BCL2L1: variants seen among roughly 807,000 people sequenced by gnomAD.
The protein encoded by BCL2L1 is BCL2 like 1.
BCL2L1 carries 1 observed loss-of-function variant against 18.7 expected under a neutral mutation model. The observed-to-expected ratio is 0.05, with a 90% CI of 0.02 to 0.25. The LOEUF (loss-of-function observed/expected upper bound fraction) is 0.25. Among genes scored for constraint, BCL2L1 ranks in the 10% least tolerant of loss-of-function variants. The pLI, the probability that BCL2L1 is intolerant of heterozygous loss-of-function variation, is 1.00. For missense variants in BCL2L1, 207 were observed against 304.9 expected, an observed-to-expected ratio of 0.68 and a Z score of 2.39; for synonymous variants, 103 against 122.7, an observed-to-expected ratio of 0.84 and a Z score of 1.06.
At chr20:31,672,030 GAA>G (rs892244453) in intron 2 of BCL2L1, among the ~76,000 whole-genome samples, 9 of 148,258 alleles carry the variant, frequency 6.1e-5, no homozygotes, top group Non-Finnish European at 1.3e-4. Flanking sequence ...AAAAAAATCT[GAA>G]AAAGACTCCT....
intron 2 of BCL2L1, among the ~76,000 whole-genome samples, chr20:31,667,919 CAGA>C (rs2060611504): frequency 6.6e-6 from 1 of 152,184 alleles, no homozygotes; most frequent in African/African-American, 2.4e-5. Context: ...TCAGCCCTTG[CAGA>C]AGCACACTCC....
At chr20:31,691,712 T>A (rs530230885) in intron 2 of BCL2L1, among the ~76,000 whole-genome samples, 3 of 152,030 alleles carry the variant, frequency 2.0e-5, no homozygotes, top group Non-Finnish European at 2.9e-5. Context: ...TACAAACCCA[T>A]AAGAAAAAGT....
chr20:31,719,991 G>C, intron 2 of BCL2L1: 1 of 648,674 alleles, frequency 1.5e-6, no homozygotes, highest in Non-Finnish European at 1.9e-6. Context: ...ATCAAAGCAG[G>C]AGGGAACAGG....
Position 31,697,892 on chromosome 20 carries a change from G to GTTTTTTTTTTTTTGTTTGTTTTT in BCL2L1, c.564+23762_564+23763insAAAAACAAACAAAAAAAAAAAAA, listed in dbSNP as rs1319361227. 3.3e-3 allele frequency among the ~76,000 whole-genome samples: 423 copies of GTTTTTTTTTTTTTGTTTGTTTTT among 129,610 alleles called. 16 individuals carry two copies. The highest frequency in any genetic ancestry group is 0.012 in the African/African-American group (379 of 30,476). 85.0% of individuals were successfully genotyped at this position (129,610 alleles called of 152,430 possible). On this transcript the variant is annotated intron_variant, in intron 2 of 2. Coordinates refer to ENST00000307677, the MANE Select transcript of BCL2L1 (RefSeq NM_138578.3). ...AGAATCCTCAGCATGTGCTGTTGCT[G>GTTTTTTTTTTTTTGTTTGTTTTT]TTTTTTTTTTTTTGAGACGGAGTCT... is the stretch of plus-strand genomic sequence containing the variant.
chr20:31,710,136 G>A (rs1206255080), intron 2 of BCL2L1, among the ~76,000 whole-genome samples: 1 of 152,190 alleles, frequency 6.6e-6, no homozygotes, highest in Non-Finnish European at 1.5e-5. Flanking sequence ...TATTTGCTAA[G>A]TGCCTCCTAT....
intron 2 of BCL2L1, among the ~76,000 whole-genome samples, chr20:31,718,312 G>A (rs1469068145): frequency 6.6e-6 from 1 of 152,136 alleles, no homozygotes; most frequent in Non-Finnish European, 1.5e-5. Flanking sequence ...CTCCCCACAC[G>A]CACACCACTG....
intron 2 of BCL2L1, among the ~76,000 whole-genome samples, chr20:31,702,941 C>T (rs2061305367): frequency 1.4e-5 from 2 of 142,152 alleles, no homozygotes; most frequent in Admixed American, 7.0e-5. Flanking sequence ...GGCAAGACTC[C>T]ATCTCAAAAA....
In BCL2L1 at chr20:31,681,661, A is replaced by G. The variant is rs376339624; in HGVS notation, c.565-15575T>C. On this transcript the variant is annotated intron_variant, in intron 2 of 2. Coordinates refer to ENST00000307677, the MANE Select transcript of BCL2L1 (RefSeq NM_138578.3). The stretch of plus-strand genomic sequence containing the variant: ...GTTCTTAATCAATCAATCAATCAAT[A>G]AAAGTAGAGCTGAAAGGATTTGCTG... 2.6e-5 allele frequency among the ~76,000 whole-genome samples: 4 copies of G among 152,312 alleles called. No homozygotes were observed. In the East Asian group the frequency reaches 5.8e-4, roughly 22 times the overall value.
At chr20:31,687,758 C>T (rs980361665) in intron 2 of BCL2L1, among the ~76,000 whole-genome samples, 20 of 151,898 alleles carry the variant, frequency 1.3e-4, no homozygotes, top group African/African-American at 4.8e-4. Flanking sequence ...CCAGAGACCT[C>T]TGATCAGACA....
At chr20:31,715,271 CAAA>C (rs567772766) in intron 2 of BCL2L1, among the ~76,000 whole-genome samples, 5 of 92,934 alleles carry the variant, frequency 5.4e-5, no homozygotes, top group Admixed American at 1.2e-4. Flanking sequence ...GACTCTGTCT[CAAA>C]AAAAAAAAAA....
chr20:31,716,253 T>C (rs1471348890), intron 2 of BCL2L1, among the ~76,000 whole-genome samples: 2 of 152,250 alleles, frequency 1.3e-5, no homozygotes, highest in Non-Finnish European at 2.9e-5. Context: ...AAAGCCATTT[T>C]TTTCTCCCTT....
intron 2 of BCL2L1, among the ~76,000 whole-genome samples, chr20:31,682,015 G>C: frequency 6.6e-6 from 1 of 152,228 alleles, no homozygotes; most frequent in East Asian, 1.9e-4. Flanking sequence ...CCAGGCCACA[G>C]AGTAGACAGG....
At chr20:31,672,180 G>A (rs1156518873) in intron 2 of BCL2L1, among the ~76,000 whole-genome samples, 1 of 151,684 alleles carries the variant, frequency 6.6e-6, no homozygotes, top group Non-Finnish European at 1.5e-5. Flanking sequence ...GAATATCTGG[G>A]GGAGCCGGGC....
At chr20:31,720,107 A>C in intron 2 of BCL2L1, 1 of 985,360 alleles carries the variant, frequency 1.0e-6, no homozygotes, top group Non-Finnish European at 1.2e-6. Flanking sequence ...AAGAGAACCC[A>C]CCACCTTTAC....
At position 31,721,976 on chromosome 20, in the gene BCL2L1, G is replaced by T. The variant is rs778508953; in HGVS notation, c.243C>A (p.Ile81=). ...GCGCTTGCTTTACTGCTGCCATGGG[G>T]ATCACCTCCCGGGCATCCAAACTGC... ...HSSSLDAREV[I]PMAAVKQALR... The change falls in exon 2 of 3, where the codon ATC becomes ATA. Residue 81 remains isoleucine (I), a synonymous_variant. Coordinates refer to ENST00000307677, the MANE Select transcript of BCL2L1 (RefSeq NM_138578.3). 3.1e-6 allele frequency: 5 copies of T among 1,614,062 alleles called. No homozygotes were observed. In the African/African-American group the frequency reaches 5.3e-5, roughly 17 times the overall value.
chr20:31,687,717 C>G (rs1348964616), intron 2 of BCL2L1, among the ~76,000 whole-genome samples: 2 of 151,888 alleles, frequency 1.3e-5, no homozygotes, highest in South Asian at 2.1e-4. Context: ...AAACTCTTTC[C>G]CCGGGAGGGA....
At chr20:31,721,528 G>T in intron 2 of BCL2L1, 127 bp downstream of exon 2, 1 of 1,154,186 alleles carries the variant, frequency 8.7e-7, no homozygotes, top group Non-Finnish European at 1.2e-6. Context: ...AGGCCAGTCA[G>T]GTTTCCTCAA....
chr20:31,681,119 G>A (rs551576883), intron 2 of BCL2L1, among the ~76,000 whole-genome samples: 4 of 152,348 alleles, frequency 2.6e-5, no homozygotes, highest in African/African-American at 7.2e-5. Context: ...CCAAGGGCCC[G>A]ATTGTGTGGG....
At position 31,722,659 on chromosome 20, in the gene BCL2L1, C is replaced by T. The variant is rs906809766; in HGVS notation, c.-172G>A. On this transcript the variant is annotated 5_prime_UTR_variant, in exon 1 of 3. Transcript: ENST00000307677. ...GGCAAAGGCAGGCAGGTGCAGCCCC[C>T]GGAAGATCTTTTGTATCACAGGTCG... The T allele has an allele frequency of 1.3e-5, 2 of 153,220 alleles. No homozygotes were observed. The highest frequency in any genetic ancestry group is 2.1e-4 in the South Asian group (1 of 4,842). The allele number at this position is 153,220 out of a possible 1,614,324, so 9.5% of individuals were successfully genotyped here. A position where few individuals can be genotyped will look rare whatever the true frequency, so the allele number is the denominator to read the frequency against.
Sources: allele counts gnomAD v4.1 joint callset (sites outside exome capture counted in the v4.1 genomes callset), GRCh38; gene constraint gnomAD v4.1.1; transcripts MANE v1.5; gene names NCBI Gene and HGNC (gene_info 2026-07-23, HGNC 2026-07-21).